Variants in NAV3 observed in about 807,000 individuals in gnomAD.
NAV3 encodes neuron navigator 3.
Under a neutral mutation model 244.7 loss-of-function variants are expected in NAV3, and 87 were observed. That is an observed-to-expected ratio of 0.36 (90% CI 0.30 to 0.42). NAV3 has a LOEUF of 0.42. Ranked by LOEUF, NAV3 falls within the 20% of genes least tolerant of loss-of-function variation. The probability of loss-of-function intolerance (pLI) is 1.00; values close to 1 mark genes in which losing one functional copy is unlikely to be tolerated. For synonymous variants in NAV3, 1,126 were observed against 1,042.2 expected (o/e 1.08, Z -1.55); for missense variants, 2,663 against 2,893.3 (o/e 0.92, Z 1.83).
intron 2 of NAV3, among the ~76,000 whole-genome samples, chr12:77,806,415 T>G (rs777858797): frequency 2.0e-5 from 3 of 152,138 alleles, no homozygotes; most frequent in Non-Finnish European, 4.4e-5. Flanking sequence ...GCCTTCATTT[T>G]GTTATTTACC....
chr12:78,195,880 T>A (rs887852850), intron 34 of NAV3, among the ~76,000 whole-genome samples: 1 of 152,024 alleles, frequency 6.6e-6, no homozygotes, highest in African/African-American at 2.4e-5. Context: ...TCTTAGAGCT[T>A]GCAGGGGAAA....
chr12:77,999,195 T>G (rs949197179), intron 7 of NAV3, among the ~76,000 whole-genome samples: 1 of 152,200 alleles, frequency 6.6e-6, no homozygotes, highest in African/African-American at 2.4e-5. Flanking sequence ...AGTTTACACC[T>G]CAATCATGAG....
chr12:77,586,460 G>T (rs1380444759), intron 2 of NAV3, among the ~76,000 whole-genome samples: 1 of 152,040 alleles, frequency 6.6e-6, no homozygotes, highest in East Asian at 1.9e-4. Context: ...TCATATACTT[G>T]TTTACAAACA....
At chr12:77,692,750 C>A (rs987468789) in intron 2 of NAV3, among the ~76,000 whole-genome samples, 4 of 150,864 alleles carry the variant, frequency 2.7e-5, no homozygotes, top group African/African-American at 7.4e-5. Flanking sequence ...TAATAGTGTG[C>A]AAAAATACCT....
At chr12:77,953,401 G>A (rs1891080543) in intron 3 of NAV3, among the ~76,000 whole-genome samples, 1 of 151,988 alleles carries the variant, frequency 6.6e-6, no homozygotes, top group South Asian at 2.1e-4. Context: ...ATATATGTGT[G>A]TGTATACATA....
Position 77,831,535 on chromosome 12 carries a change from C to A in NAV3, c.74C>A (p.Pro25Gln), listed in dbSNP as rs776928962. The change falls in exon 1 of 40, where the codon CCG becomes CAG. Residue 25 changes from proline (P) to glutamine (Q), a missense_variant. Transcript: ENST00000397909. ...VGSKPVHTALPIPNLGTTGSQ... is the reference protein window; with the variant it reads ...VGSKPVHTALQIPNLGTTGSQ... ...TCAAAGCCTGTGCATACTGCTCTTC[C>A]GATACCAAATCTTGGCACTACTGGG... is the stretch of plus-strand genomic sequence containing the variant. The A allele has an allele frequency of 1.5e-5, 25 of 1,613,946 alleles. No homozygotes were observed. The highest frequency in any genetic ancestry group is 1.7e-6 in the Non-Finnish European group (2 of 1,179,978).
At chr12:77,922,582 C>T (rs1887817636) in intron 1 of NAV3, among the ~76,000 whole-genome samples, 1 of 152,260 alleles carries the variant, frequency 6.6e-6, no homozygotes, top group Middle Eastern at 3.4e-3. Context: ...TTTCAGACCA[C>T]TGTTCCAGCT....
chr12:78,045,410 C>T (rs1309611286), intron 9 of NAV3, among the ~76,000 whole-genome samples: 1 of 152,138 alleles, frequency 6.6e-6, no homozygotes, highest in East Asian at 1.9e-4. Flanking sequence ...ATTCTCCTGC[C>T]TCAGCCTCCC....
At chr12:77,726,737 G>A (rs188455108) in intron 2 of NAV3, among the ~76,000 whole-genome samples, 114 of 150,910 alleles carry the variant, frequency 7.6e-4, no homozygotes, top group African/African-American at 2.6e-3. Flanking sequence ...CAACAAAAAG[G>A]ACTTGAGTAA....
intron 12 of NAV3, among the ~76,000 whole-genome samples, chr12:78,063,681 G>C (rs1884608757): frequency 6.6e-6 from 1 of 152,116 alleles, no homozygotes; most frequent in African/African-American, 2.4e-5. Flanking sequence ...ACTCCTACCT[G>C]GGAGTATAAA....
intron 3 of NAV3, among the ~76,000 whole-genome samples, chr12:77,953,507 A>G (rs550228799): frequency 5.9e-5 from 9 of 152,164 alleles, no homozygotes; most frequent in Admixed American, 2.6e-4. Context: ...CAAAATTTTT[A>G]ATTACACCAT....
At chr12:77,602,626 G>T (rs193256926) in intron 2 of NAV3, among the ~76,000 whole-genome samples, 108 of 151,946 alleles carry the variant, frequency 7.1e-4, no homozygotes, top group African/African-American at 2.5e-3. Flanking sequence ...AGAGAGCAGA[G>T]GGGGAGATGG....
chr12:77,983,627 T>C (rs1444071572), intron 5 of NAV3, among the ~76,000 whole-genome samples: 2 of 151,610 alleles, frequency 1.3e-5, no homozygotes, highest in Non-Finnish European at 2.9e-5. Flanking sequence ...ATTGAAACAA[T>C]AGAAATGGAA....
intron 18 of NAV3, chr12:78,130,927 G>A: frequency 5.6e-6 from 1 of 178,312 alleles, no homozygotes; most frequent in East Asian, 1.4e-4. Context: ...CAGCATCAGT[G>A]CCAAGGCAGC....
intron 2 of NAV3, among the ~76,000 whole-genome samples, chr12:77,767,520 G>A (rs533648317): frequency 1.3e-5 from 2 of 152,336 alleles, no homozygotes; most frequent in Admixed American, 6.5e-5. Context: ...GAGTGGCAAG[G>A]GATGTGTGAG....
Position 77,713,713 on chromosome 12 carries a change from C to T in NAV3, c.72+141447C>T, listed in dbSNP as rs529981211. 3.9e-5 allele frequency among the ~76,000 whole-genome samples: 6 copies of T among 152,056 alleles called. No individual in the cohort carries two copies. In the East Asian group the frequency reaches 1.2e-3, roughly 29 times the overall value. On this transcript the variant is annotated intron_variant, in intron 2 of 8. Coordinates refer to the NAV3 transcript ENST00000550042. ...CCCTTGCATTTTATCTCTCTCTGGT[C>T]TAAGATCAGTTATAAAAATGTACCA...
intron 2 of NAV3, among the ~76,000 whole-genome samples, chr12:77,604,113 A>C (rs930254320): frequency 3.3e-5 from 5 of 152,088 alleles, no homozygotes; most frequent in African/African-American, 1.2e-4. Context: ...GAAACATGAA[A>C]AGAAACTCAC....
chr12:78,007,833 G>T (rs567208831), intron 8 of NAV3, among the ~76,000 whole-genome samples: 3 of 152,096 alleles, frequency 2.0e-5, no homozygotes, highest in Non-Finnish European at 4.4e-5. Context: ...GGTTATTTTT[G>T]TTGTCATCTT....
At chr12:77,623,554 C>G (rs1471537956) in intron 2 of NAV3, among the ~76,000 whole-genome samples, 1 of 152,164 alleles carries the variant, frequency 6.6e-6, no homozygotes, top group Non-Finnish European at 1.5e-5. Flanking sequence ...TGCATATTAT[C>G]TAAGAGGCAG....
Sources: allele counts gnomAD v4.1 joint callset (sites outside exome capture counted in the v4.1 genomes callset), GRCh38; gene constraint gnomAD v4.1.1; transcripts MANE v1.5; gene names NCBI Gene and HGNC (gene_info 2026-07-23, HGNC 2026-07-21).